The following NFASC variants were observed in gnomAD, a reference collection of about 807,000 sequenced individuals.
NFASC encodes the protein neurofascin homolog.
NFASC carries 43 observed loss-of-function variants against 147.5 expected under a neutral mutation model. That is an observed-to-expected ratio of 0.29 (90% confidence interval 0.23 to 0.38). The LOEUF is 0.38. Among genes scored for constraint, NFASC ranks in the 10% least tolerant of loss-of-function variants. The pLI is 1.00. For synonymous variants in NFASC, 622 were observed against 665.5 expected (o/e 0.93, Z 1.01); for missense variants, 1,320 against 1,689.0 (o/e 0.78, Z 3.83).
chr1:204,894,972 A>G (rs796807197), intron 1 of NFASC, among the ~76,000 whole-genome samples: 1 of 152,290 alleles, frequency 6.6e-6, no homozygotes, highest in African/African-American at 2.4e-5. Flanking sequence ...AAGAGACTTG[A>G]ATGAGAGAAG....
intron 2 of NFASC, among the ~76,000 whole-genome samples, chr1:204,926,407 T>TATATATATATATATA (rs11373886): frequency 2.3e-3 from 15 of 6,390 alleles, no homozygotes; most frequent in African/African-American, 5.1e-3. Context: ...TATATATATA[T>TATATATATATATATA]TTTTTTTTTT....
chr1:204,909,108 A>G (rs2086720048), intron 1 of NFASC, among the ~76,000 whole-genome samples: 1 of 152,224 alleles, frequency 6.6e-6, no homozygotes, highest in Admixed American at 6.5e-5. Context: ...GCCCAGAGGT[A>G]TATTTGCTGG....
Position 204,966,666 on chromosome 1 carries a change from G to A in NFASC, c.707-1583G>A, listed in dbSNP as rs143839934. ...AGTCACTGTTGTAATGTGTGTGCTG[G>A]TGGGACAGATGAGGCATCTACAGAA... On this transcript the variant is annotated intron_variant, in intron 8 of 29. Coordinates refer to ENST00000339876, the MANE Select transcript of NFASC (RefSeq NM_001005388.3). Among the ~76,000 whole-genome samples the A allele has an allele frequency of 3.3e-5, 5 of 152,300 alleles. No homozygotes were observed. In the South Asian group the frequency reaches 8.3e-4, roughly 25 times the overall value.
At chr1:204,841,810 C>T (rs1675450898) in intron 1 of NFASC, among the ~76,000 whole-genome samples, 2 of 152,126 alleles carry the variant, frequency 1.3e-5, no homozygotes, top group Admixed American at 6.5e-5. Context: ...CCTGAGGGGT[C>T]GGTGACTCCT....
chr1:204,964,153 G>A (rs2150159561), intron 8 of NFASC, among the ~76,000 whole-genome samples: 1 of 152,312 alleles, frequency 6.6e-6, no homozygotes, highest in South Asian at 2.1e-4. Flanking sequence ...GAGTGATGCT[G>A]AGTAAGTCAT....
intron 3 of NFASC, chr1:204,946,987 G>A (rs976779313): frequency 2.0e-5 from 7 of 356,506 alleles, no homozygotes; most frequent in Non-Finnish European, 3.3e-5. Context: ...CTTGCCTGGG[G>A]CACCTGTCTC....
intron 1 of NFASC, among the ~76,000 whole-genome samples, chr1:204,863,247 G>A (rs1184030140): frequency 2.6e-5 from 4 of 152,160 alleles, no homozygotes; most frequent in Non-Finnish European, 1.5e-5. Flanking sequence ...AACTCACTCC[G>A]GAGTTTGAAG....
rs1337113078 is a variant in NFASC at position 204,975,412 on chromosome 1, G to C, written c.1700G>C (p.Gly567Ala). The change falls in exon 15 of 30, where the codon GGA becomes GCA. Residue 567 changes from glycine to alanine, a missense_variant. Gly to Ala is a moderately conservative substitution (Grantham distance 60). This residue lies in a region of NFASC where 981 missense variants were observed against 1,289.5 expected (regional missense o/e 0.76). Transcript: ENST00000339876. The surrounding 1 kb of genome is among the most constrained non-coding windows in gnomAD (Gnocchi z 4.0). ...AAGGATGACGAGCCGCTCTATATTG[G>C]AAACAGGTTTCTCTTCCCCCTTCCC... ...WLKDDEPLYIGNRMKKEDDSL... is the reference protein window; with the variant it reads ...WLKDDEPLYIANRMKKEDDSL... 6.2e-7 allele frequency: 1 copy of C among 1,612,144 alleles called. No individual in the cohort carries two copies. Among genetic ancestry groups the C allele is most frequent in the Admixed American group, 1.7e-5 (1 of 59,922 alleles).
intron 1 of NFASC, among the ~76,000 whole-genome samples, chr1:204,911,146 A>G (rs2087358984): frequency 6.6e-6 from 1 of 152,236 alleles, no homozygotes; most frequent in Non-Finnish European, 1.5e-5. Flanking sequence ...TAAAAAAATC[A>G]TGAATGAGTG....
intron 2 of NFASC, among the ~76,000 whole-genome samples, chr1:204,939,502 C>T (rs1341055808): frequency 6.6e-6 from 1 of 152,192 alleles, no homozygotes; most frequent in Non-Finnish European, 1.5e-5. Flanking sequence ...CACTGTGGCC[C>T]CTCTTCTTCA....
intron 2 of NFASC, among the ~76,000 whole-genome samples, chr1:204,929,683 G>T (rs1451969283): frequency 6.6e-6 from 1 of 152,026 alleles, no homozygotes; most frequent in Non-Finnish European, 1.5e-5. Context: ...TCTGTGGCAG[G>T]TGCTCCCTGG....
At chr1:204,855,289 T>C (rs1191200002) in intron 1 of NFASC, among the ~76,000 whole-genome samples, 14 of 152,200 alleles carry the variant, frequency 9.2e-5, no homozygotes, top group Non-Finnish European at 2.1e-4. Flanking sequence ...TATTCCATGC[T>C]GAAACACAAC....
chr1:204,835,694 G>A lies in NFASC; in HGVS notation c.-200+6912G>A, dbSNP rs1486077119. 2.0e-5 allele frequency among the ~76,000 whole-genome samples: 3 copies of A among 152,284 alleles called. No individual in the cohort carries two copies. The East Asian group carries it at 5.8e-4, about 29-fold the overall frequency. On this transcript the variant is annotated intron_variant, in intron 1 of 29. Transcript: ENST00000339876. Reference sequence around the variant, plus strand: ...AGTAGTGAGGGGTGTGTCTGGAGCAGTATATGGAGACAAAAATCATAGAGA... The same window carrying A: ...AGTAGTGAGGGGTGTGTCTGGAGCAATATATGGAGACAAAAATCATAGAGA...
At chr1:204,957,580 T>C (rs1288670740) in intron 7 of NFASC, 76 bp from the exon 8 acceptor site, 3 of 1,424,466 alleles carry the variant, frequency 2.1e-6, no homozygotes, top group Non-Finnish European at 2.0e-6. Context: ...TGTAAAGTGT[T>C]CTGTCGCCAG....
chr1:204,828,732 G>A lies in NFASC; in HGVS notation c.-250G>A, dbSNP rs1001175508. 52 of 985,812 alleles carry A rather than the reference G, an allele frequency of 5.3e-5. No homozygotes were observed. The highest frequency in any genetic ancestry group is 6.0e-5 in the Non-Finnish European group (50 of 830,406). 61.1% of individuals were successfully genotyped at this position (985,812 alleles called of 1,614,324 possible). On this transcript the variant is annotated 5_prime_UTR_variant, in exon 1 of 30. Coordinates refer to ENST00000339876, the MANE Select transcript of NFASC (RefSeq NM_001005388.3). ...GGGACGCGGGGGAAGTGGCGGCGCCGGCAGCGGACAGCTCGGACAGCGCCC... is the reference window on the plus strand; with the variant it reads ...GGGACGCGGGGGAAGTGGCGGCGCCAGCAGCGGACAGCTCGGACAGCGCCC...
Position 204,944,601 on chromosome 1 carries a change from TG to T in NFASC, c.91+196del, listed in dbSNP as rs1237234315. ...TCATGTTTGGAAGTTTGAGACTGTA[TG>T]TTGCAGAGCCAGTTTCTCAGGGCTG... On this transcript the variant is annotated intron_variant, in intron 3 of 29. Coordinates refer to ENST00000339876, the MANE Select transcript of NFASC (RefSeq NM_001005388.3). 4.2e-5 allele frequency: 24 copies of T among 578,032 alleles called. No homozygotes were observed. The Admixed American group carries it at 6.5e-4, about 16-fold the overall frequency. 35.8% of individuals were successfully genotyped at this position (578,032 alleles called of 1,614,324 possible).
intron 1 of NFASC, among the ~76,000 whole-genome samples, chr1:204,837,053 A>G (rs1416801927): frequency 1.3e-5 from 2 of 152,276 alleles, no homozygotes; most frequent in Non-Finnish European, 2.9e-5. Flanking sequence ...GAAGTGTGGC[A>G]TGACTGACTT....
At position 205,019,990 on chromosome 1, in the gene NFASC, G is replaced by C. The variant is rs2096389398; in HGVS notation, c.*3451G>C. 1 of 152,246 alleles carries C rather than the reference G, an allele frequency of 6.6e-6. No homozygotes were observed. The highest frequency in any genetic ancestry group is 1.5e-5 in the Non-Finnish European group (1 of 68,074). The allele number at this position is 152,246 out of a possible 1,614,324, so 9.4% of individuals were successfully genotyped here. ...TGCCTCCCACCTTGCCTGGGTGATG[G>C]TGAATGGGACTCATCTTTTCCTGCC... On this transcript the variant is annotated 3_prime_UTR_variant, in exon 30 of 30. Transcript: ENST00000339876.
chr1:204,993,486 T>C (rs2095785084), intron 24 of NFASC, among the ~76,000 whole-genome samples: 2 of 152,198 alleles, frequency 1.3e-5, no homozygotes, highest in Admixed American at 6.5e-5. Context: ...GTGTTCTCCA[T>C]CTCATGCATG....
Sources: gnomAD v4.1 joint callset for allele counts (sites outside exome capture counted in the v4.1 genomes callset) on GRCh38, gnomAD v4.1.1 for gene constraint, gnomAD v4.1.1 regional missense constraint, Gnocchi (gnomAD v3.1) non-coding constraint, MANE v1.5 for transcripts, NCBI Gene and HGNC (gene_info 2026-07-23, HGNC 2026-07-21) for gene names.